RBFOX1: variants seen among roughly 807,000 people sequenced by gnomAD.
RBFOX1 encodes RNA binding fox-1 homolog 1.
Under a neutral mutation model 57.7 loss-of-function variants are expected in RBFOX1, and 8 were observed. That is an observed-to-expected ratio of 0.14 (90% CI 0.08 to 0.25). The LOEUF (loss-of-function observed/expected upper bound fraction) is 0.25, where lower values mean the gene tolerates loss of function less well. Ranked by LOEUF, RBFOX1 falls within the 10% of genes least tolerant of loss-of-function variation. The pLI is 1.00. For missense variants in RBFOX1, 611 were observed against 548.5 expected, an observed-to-expected ratio of 1.11 and a Z score of -1.14; for synonymous variants, 326 against 222.4, an observed-to-expected ratio of 1.47 and a Z score of -4.15.
At chr16:5,896,638 T>C (rs1169697229) in intron 4 of RBFOX1, among the ~76,000 whole-genome samples, 4 of 152,224 alleles carry the variant, frequency 2.6e-5, no homozygotes, top group Non-Finnish European at 5.9e-5. Flanking sequence ...TATTCCTTTA[T>C]GTTATATCAA....
At chr16:5,439,198 G>A (rs1384412796) in intron 1 of RBFOX1, among the ~76,000 whole-genome samples, 1 of 152,102 alleles carries the variant, frequency 6.6e-6, no homozygotes, top group Admixed American at 6.5e-5. Context: ...GAGTCGGAAG[G>A]AGAAGATGTG....
intron 11 of RBFOX1, among the ~76,000 whole-genome samples, chr16:7,647,595 A>G (rs2064008189): frequency 6.6e-6 from 1 of 152,070 alleles, no homozygotes; most frequent in Admixed American, 6.6e-5. Context: ...AGAAATGACC[A>G]TTGTTTGGTG....
intron 3 of RBFOX1, among the ~76,000 whole-genome samples, chr16:6,784,439 G>C (rs148135329): frequency 1.3e-5 from 2 of 152,084 alleles, no homozygotes; most frequent in Middle Eastern, 3.4e-3. Flanking sequence ...GCATTCTTCA[G>C]CTCTGCAATT....
At chr16:5,466,526 G>T (rs1304575022) in intron 1 of RBFOX1, among the ~76,000 whole-genome samples, 1 of 152,200 alleles carries the variant, frequency 6.6e-6, no homozygotes, top group Non-Finnish European at 1.5e-5. Context: ...AAGGCAGCTA[G>T]GGTTTCTGTG....
chr16:7,277,349 T>G (rs559239905), intron 4 of RBFOX1, among the ~76,000 whole-genome samples: 1 of 152,318 alleles, frequency 6.6e-6, no homozygotes, highest in African/African-American at 2.4e-5. Flanking sequence ...TATGTAGATA[T>G]CTCCTTCTTT....
At chr16:6,814,030 T>C (rs1231077551) in intron 3 of RBFOX1, among the ~76,000 whole-genome samples, 4 of 118,932 alleles carry the variant, frequency 3.4e-5, no homozygotes, top group South Asian at 2.5e-4. Context: ...AAAGGGAAAT[T>C]AGATTCAAAC....
chr16:5,645,140 T>G (rs1436945962), intron 3 of RBFOX1, among the ~76,000 whole-genome samples: 1 of 151,882 alleles, frequency 6.6e-6, no homozygotes, highest in African/African-American at 2.4e-5. Flanking sequence ...TCCCAGGTAC[T>G]TGAGAGGCTG....
chr16:5,796,449 G>C (rs1346458165), intron 3 of RBFOX1, among the ~76,000 whole-genome samples: 1 of 152,140 alleles, frequency 6.6e-6, no homozygotes, highest in Non-Finnish European at 1.5e-5. Context: ...GCATCACATG[G>C]GGTCAGAGAG....
intron 3 of RBFOX1, among the ~76,000 whole-genome samples, chr16:6,913,654 G>T (rs1215814266): frequency 6.6e-6 from 1 of 152,168 alleles, no homozygotes; most frequent in Non-Finnish European, 1.5e-5. Flanking sequence ...GCAGCAAGTT[G>T]GTCTCCTAGA....
At chr16:6,674,744 G>A (rs974949060) in intron 3 of RBFOX1, among the ~76,000 whole-genome samples, 2 of 152,166 alleles carry the variant, frequency 1.3e-5, no homozygotes, top group South Asian at 4.1e-4. Context: ...AGCACGAGGG[G>A]TGCTGGCCAC....
intron 7 of RBFOX1, among the ~76,000 whole-genome samples, chr16:7,594,127 C>G (rs2152938759): frequency 6.6e-6 from 1 of 151,884 alleles, no homozygotes; most frequent in African/African-American, 2.4e-5. Context: ...CCTCCCCCAG[C>G]CCCCCACCCC....
At chr16:5,859,831 A>G (rs1283159751) in intron 3 of RBFOX1, among the ~76,000 whole-genome samples, 1 of 152,258 alleles carries the variant, frequency 6.6e-6, no homozygotes, top group Non-Finnish European at 1.5e-5. Context: ...GTAACCGTTT[A>G]TTATACCTCA....
chr16:7,103,504 G>T (rs2063054760), intron 4 of RBFOX1, among the ~76,000 whole-genome samples: 2 of 152,130 alleles, frequency 1.3e-5, no homozygotes, highest in Admixed American at 6.6e-5. Flanking sequence ...CGTTCACAAT[G>T]TATTGGTATG....
At chr16:7,702,351 C>T (rs562016754) in intron 14 of RBFOX1, among the ~76,000 whole-genome samples, 2 of 152,288 alleles carry the variant, frequency 1.3e-5, no homozygotes, top group East Asian at 1.9e-4. Flanking sequence ...ATTCTGACCC[C>T]ACAGAATCCC....
intron 2 of RBFOX1, among the ~76,000 whole-genome samples, chr16:5,487,585 G>A (rs2042671493): frequency 2.0e-5 from 3 of 152,160 alleles, no homozygotes; most frequent in African/African-American, 7.2e-5. Context: ...TGAGGAAATC[G>A]GGGCATTGAG....
At chr16:6,719,566 G>A (rs942373295) in intron 3 of RBFOX1, among the ~76,000 whole-genome samples, 4 of 151,202 alleles carry the variant, frequency 2.6e-5, no homozygotes, top group Non-Finnish European at 5.9e-5. Context: ...TCAGCCTCTG[G>A]AGTAGCTGGG....
At chr16:5,283,415 T>TGG (rs2063319530) in intron 1 of RBFOX1, among the ~76,000 whole-genome samples, 1 of 152,118 alleles carries the variant, frequency 6.6e-6, no homozygotes, top group African/African-American at 2.4e-5. Context: ...ACTGTGTGCC[T>TGG]GGAAAAGCTG....
chr16:7,330,267 C>G (rs759019576), intron 4 of RBFOX1, among the ~76,000 whole-genome samples: 8 of 151,580 alleles, frequency 5.3e-5, no homozygotes, highest in Middle Eastern at 3.4e-3. Context: ...ATTAAATCGT[C>G]TTTAGATTAC....
chr16:5,348,585 A>AC (rs1302601687), intron 1 of RBFOX1, among the ~76,000 whole-genome samples: 2 of 151,866 alleles, frequency 1.3e-5, no homozygotes, highest in South Asian at 2.1e-4. Flanking sequence ...CTTGCTCTTA[A>AC]CCCCCCATTA....
Sources: allele counts gnomAD v4.1 joint callset (sites outside exome capture counted in the v4.1 genomes callset), GRCh38; gene constraint gnomAD v4.1.1; transcripts MANE v1.5; gene names NCBI Gene and HGNC (gene_info 2026-07-23, HGNC 2026-07-21).